PPARGC1A: variants seen among roughly 807,000 people sequenced by gnomAD.
The protein encoded by PPARGC1A is PPARG coactivator 1 alpha.
Under a neutral mutation model 88.7 loss-of-function variants are expected in PPARGC1A, and 25 were observed. The observed-to-expected ratio is 0.28, with a 90% CI of 0.21 to 0.39. PPARGC1A has a LOEUF of 0.39. PPARGC1A is among the 10% of genes least tolerant of loss of function. PPARGC1A has a pLI of 1.00. For synonymous variants in PPARGC1A, 363 were observed against 355.6 expected (o/e 1.02, Z -0.24); for missense variants, 880 against 968.7 (o/e 0.91, Z 1.22).
chr4:23,812,810 T>C lies in PPARGC1A; in HGVS notation c.1956A>G (p.Arg652=). 1 of 1,614,050 alleles carries C rather than the reference T, an allele frequency of 6.2e-7. No individual in the cohort carries two copies. The highest frequency in any genetic ancestry group is 8.5e-7 in the Non-Finnish European group (1 of 1,180,008). The part of the protein sequence containing the change: ...HERLKREEYR[R]EYEKRESERA... ...TCTCAGACTCTCGCTTCTCATACTC[T>C]CTGCGATATTCTTCCCTCTTCAGCC... is the stretch of plus-strand genomic sequence containing the variant. The change falls in exon 10 of 13, where the codon AGA becomes AGG. Residue 652 remains arginine, a synonymous_variant. Coordinates refer to ENST00000264867, the MANE Select transcript of PPARGC1A (RefSeq NM_013261.5).
the PPARGC1A span, among the ~76,000 whole-genome samples, chr4:24,347,939 G>A: frequency 6.6e-6 from 1 of 152,028 alleles, no homozygotes; most frequent in Non-Finnish European, 1.5e-5. Flanking sequence ...GTGTTTCCAG[G>A]ATTTGTTTCA....
chr4:23,978,021 T>C, the PPARGC1A span, among the ~76,000 whole-genome samples: 1 of 152,172 alleles, frequency 6.6e-6, no homozygotes, highest in Non-Finnish European at 1.5e-5. Flanking sequence ...CTATTTTCAG[T>C]TGGCATTTAT....
intron 2 of PPARGC1A, chr4:23,875,684 C>T (rs1714552808): frequency 6.6e-6 from 1 of 152,090 alleles, no homozygotes; most frequent in Non-Finnish European, 1.5e-5. Flanking sequence ...TCAGCTAAAT[C>T]CCATTCGCCA....
At chr4:24,262,414 G>A in the PPARGC1A span, among the ~76,000 whole-genome samples, 1 of 152,168 alleles carries the variant, frequency 6.6e-6, no homozygotes, top group African/African-American at 2.4e-5. Context: ...GGGGCTGGGG[G>A]GTGAGGCTCT....
At chr4:24,271,691 CT>C in the PPARGC1A span, among the ~76,000 whole-genome samples, 4 of 152,148 alleles carry the variant, frequency 2.6e-5, no homozygotes, top group Non-Finnish European at 5.9e-5. Flanking sequence ...GGTCCTTTTA[CT>C]TTCTAGTCAT....
At chr4:23,909,303 T>C in the PPARGC1A span, among the ~76,000 whole-genome samples, 2 of 152,140 alleles carry the variant, frequency 1.3e-5, no homozygotes, top group African/African-American at 2.4e-5. Context: ...CTTTAAAAGA[T>C]CAAATATAAT....
At chr4:24,347,450 A>T in the PPARGC1A span, among the ~76,000 whole-genome samples, 11 of 152,104 alleles carry the variant, frequency 7.2e-5, no homozygotes, top group Non-Finnish European at 1.6e-4. Flanking sequence ...TGTTAGGTGC[A>T]TATATTTTAG....
the PPARGC1A span, among the ~76,000 whole-genome samples, chr4:24,154,400 G>A: frequency 5.9e-5 from 9 of 152,308 alleles, no homozygotes; most frequent in Admixed American, 1.3e-4. Flanking sequence ...AGCAAATGGC[G>A]TCTTCTAACA....
chr4:23,973,758 GA>G, the PPARGC1A span, among the ~76,000 whole-genome samples: 8 of 151,928 alleles, frequency 5.3e-5, no homozygotes, highest in Non-Finnish European at 1.0e-4. Flanking sequence ...CTTCTGAAAT[GA>G]AATCAAAAGC....
chr4:24,226,013 G>GA, the PPARGC1A span, among the ~76,000 whole-genome samples: 1 of 374 alleles, frequency 2.7e-3, no homozygotes, highest in Non-Finnish European at 6.2e-3. Flanking sequence ...CCCACAAAAC[G>GA]GGAAAGGATG....
At chr4:23,867,659 A>G (rs367824141) in intron 2 of PPARGC1A, among the ~76,000 whole-genome samples, 2 of 152,218 alleles carry the variant, frequency 1.3e-5, no homozygotes, top group African/African-American at 2.4e-5. Flanking sequence ...ATCACAGACT[A>G]TAAATGAAAG....
At chr4:24,375,880 G>A in the PPARGC1A span, among the ~76,000 whole-genome samples, 2 of 152,182 alleles carry the variant, frequency 1.3e-5, no homozygotes, top group South Asian at 4.2e-4. Context: ...CATGGTCTTG[G>A]ACAAACAGGG....
At chr4:24,185,660 TTTAAG>T in the PPARGC1A span, among the ~76,000 whole-genome samples, 1 of 152,198 alleles carries the variant, frequency 6.6e-6, no homozygotes, top group African/African-American at 2.4e-5. Flanking sequence ...TCTTTTTCTT[TTTAAG>T]TTGATAATAT....
the PPARGC1A span, among the ~76,000 whole-genome samples, chr4:24,231,319 G>T: frequency 6.6e-5 from 10 of 152,276 alleles, no homozygotes; most frequent in African/African-American, 2.4e-4. Flanking sequence ...TCAGCTCTGG[G>T]CTCAGTCATT....
intron 2 of PPARGC1A, among the ~76,000 whole-genome samples, chr4:23,836,357 C>T (rs1726011545): frequency 6.6e-6 from 1 of 152,126 alleles, no homozygotes; most frequent in Non-Finnish European, 1.5e-5. Flanking sequence ...ACCTTGGGTT[C>T]TCCTTACACA....
the PPARGC1A span, among the ~76,000 whole-genome samples, chr4:24,467,483 C>G: frequency 1.3e-5 from 2 of 152,128 alleles, no homozygotes; most frequent in African/African-American, 4.8e-5. Flanking sequence ...ATTCCCAAGT[C>G]TTGGCTCATC....
rs141031043 is a variant in PPARGC1A at position 23,812,469 on chromosome 4, C to T, written c.2019+278G>A. Among the ~76,000 whole-genome samples the T allele has an allele frequency of 2.2e-4, 33 of 152,164 alleles. 1 individual carries two copies. The highest frequency in any genetic ancestry group is 1.9e-3 in the Admixed American group (29 of 15,256). On this transcript the variant is annotated intron_variant, in intron 10 of 12. Coordinates refer to ENST00000264867, the MANE Select transcript of PPARGC1A (RefSeq NM_013261.5). ...ACAAATATCTGACTGAAAAAAAAAT[C>T]TCTACTCCCTCCATTTTTCAAAACA... is the stretch of plus-strand genomic sequence containing the variant.
the PPARGC1A span, among the ~76,000 whole-genome samples, chr4:24,322,763 G>A: frequency 6.6e-6 from 1 of 152,138 alleles, no homozygotes; most frequent in Non-Finnish European, 1.5e-5. Context: ...CATGATTTTT[G>A]GGAGAGTCAG....
rs150837593 is a variant in PPARGC1A, at chr4:23,813,051, C to G, written c.1868G>C (p.Arg623Pro). ...HRNSPLYVRS[R>P]SRSPYSRRPR... ...CCGACGGCTGTAGGGCGATCTTGAA[C>G]GTGATCTCACATACAAGGGAGAATT... Residue 623 changes from arginine to proline, a missense_variant, in exon 9 of 13, where the codon CGT (arginine) becomes CCT (proline). Coordinates refer to ENST00000264867, the MANE Select transcript of PPARGC1A (RefSeq NM_013261.5). 8.1e-6 allele frequency: 13 copies of G among 1,614,016 alleles called. No individual in the cohort carries two copies. Among genetic ancestry groups the G allele is most frequent in the Admixed American group, 1.7e-5 (1 of 60,006 alleles).
Sources: gnomAD v4.1 joint callset for allele counts (sites outside exome capture counted in the v4.1 genomes callset) on GRCh38, gnomAD v4.1.1 for gene constraint, MANE v1.5 for transcripts, NCBI Gene and HGNC (gene_info 2026-07-23, HGNC 2026-07-21) for gene names.